Variants in ABL2 observed in about 807,000 individuals in gnomAD.
The protein encoded by ABL2 is ABL proto-oncogene 2, non-receptor tyrosine kinase, also known as tyrosine-protein kinase ABL2.
ABL2 carries 49 observed loss-of-function variants against 107.7 expected under a neutral mutation model. The observed-to-expected ratio is 0.45, with a 90% CI of 0.36 to 0.58. ABL2 has a LOEUF of 0.58. ABL2 is among the 20% of genes least tolerant of loss of function. ABL2 has a pLI of 0.00. For missense variants in ABL2, 1,245 were observed against 1,457.0 expected, an observed-to-expected ratio of 0.85 and a Z score of 2.37; for synonymous variants, 549 against 548.6, an observed-to-expected ratio of 1.00 and a Z score of -0.01.
chr1:179,131,549 T>C, intron 2 of ABL2, 68 bp from the exon 3 acceptor site: 6 of 1,495,886 alleles, frequency 4.0e-6, no homozygotes, highest in Non-Finnish European at 5.6e-6. Context: ...TTGAATTCAT[T>C]ATATACACAG....
At chr1:179,178,588 C>A (rs537840070) in intron 1 of ABL2, among the ~76,000 whole-genome samples, 22 of 151,868 alleles carry the variant, frequency 1.4e-4, no homozygotes, top group Admixed American at 1.1e-3. Flanking sequence ...AAGATCTGGA[C>A]TTTAAAAAGT....
chr1:179,172,659 C>T lies in ABL2; in HGVS notation c.158-39285G>A, dbSNP rs1312256491. ...ACAGAGTTAAAATAAAAGCAATTTC[C>T]CTCGAAAAGAGAATTTTAGGCATTA... On this transcript the variant is annotated intron_variant, in intron 1 of 11. Transcript: ENST00000502732. 2.0e-5 allele frequency among the ~76,000 whole-genome samples: 3 copies of T among 152,002 alleles called. No individual in the cohort carries two copies. In the East Asian group the frequency reaches 5.8e-4, roughly 29 times the overall value.
chr1:179,153,883 A>T (rs1273582577), intron 1 of ABL2, among the ~76,000 whole-genome samples: 1 of 152,002 alleles, frequency 6.6e-6, no homozygotes, highest in African/African-American at 2.4e-5. Context: ...GGCAACAAAA[A>T]TCCATTTTGT....
At chr1:179,136,749 A>AAT (rs1463497396) in intron 1 of ABL2, among the ~76,000 whole-genome samples, 8 of 146,390 alleles carry the variant, frequency 5.5e-5, no homozygotes, top group Non-Finnish European at 1.2e-4. Flanking sequence ...AATAAAAATA[A>AAT]AAATAAAAAT....
At chr1:179,121,492 G>T in intron 5 of ABL2, 103 bp downstream of exon 5, 1 of 1,433,398 alleles carries the variant, frequency 7.0e-7, no homozygotes, top group Non-Finnish European at 9.5e-7. Context: ...TGGCACTAGT[G>T]GGTGGAAAGT....
At position 179,104,927 on chromosome 1, in the gene ABL2, A is replaced by G. The variant is rs1653371926; in HGVS notation, c.*2791T>C. On this transcript the variant is annotated 3_prime_UTR_variant, in exon 12 of 12. Coordinates refer to ENST00000502732, the MANE Select transcript of ABL2 (RefSeq NM_007314.4). ...TTTGGATTCAAACCTTTTAATTTAC[A>G]TAAGGGTTTGTGTTTAAGCTGGTCC... 1 of 222,860 alleles carries G rather than the reference A, an allele frequency of 4.5e-6. No individual in the cohort carries two copies. The highest frequency in any genetic ancestry group is 9.0e-6 in the Non-Finnish European group (1 of 111,594). The allele number at this position is 222,860 out of a possible 1,614,324, so 13.8% of individuals were successfully genotyped here.
In ABL2 at chr1:179,164,609, G is replaced by A. The variant is rs774699604; in HGVS notation, c.158-31235C>T. On this transcript the variant is annotated intron_variant, in intron 1 of 11. Coordinates refer to ENST00000502732, the MANE Select transcript of ABL2 (RefSeq NM_007314.4). ...CCAAACTCAATGTTGCTAGCACCTG[G>A]TACTATGACCTCAAGTTCAGAGCTG... Among the ~76,000 whole-genome samples, 3 of 152,110 alleles carry A rather than the reference G, an allele frequency of 2.0e-5. No individual in the cohort carries two copies. The South Asian group carries it at 6.2e-4, about 32-fold the overall frequency.
At chr1:179,131,630 G>T in intron 2 of ABL2, 149 bp from the exon 3 acceptor site, 1 of 698,072 alleles carries the variant, frequency 1.4e-6, no homozygotes. Flanking sequence ...TTAGCAAATA[G>T]GCACTGTGTC....
At chr1:179,212,457 G>A (rs1255420745) in intron 1 of ABL2, among the ~76,000 whole-genome samples, 1 of 152,226 alleles carries the variant, frequency 6.6e-6, no homozygotes, top group Non-Finnish European at 1.5e-5. Flanking sequence ...GCTGGGCAGG[G>A]CATGGTGGCT....
intron 3 of ABL2, among the ~76,000 whole-genome samples, chr1:179,128,919 A>C (rs1034662771): frequency 6.6e-6 from 1 of 152,060 alleles, no homozygotes; most frequent in Non-Finnish European, 1.5e-5. Flanking sequence ...TCCTAGGCTC[A>C]CGCAATCCTC....
intron 1 of ABL2, among the ~76,000 whole-genome samples, chr1:179,210,574 G>A (rs1452342859): frequency 1.3e-5 from 2 of 149,654 alleles, no homozygotes; most frequent in Non-Finnish European, 3.0e-5. Flanking sequence ...AAAATATTTC[G>A]CCAGGCGTGG....
chr1:179,107,932 GTGTCTAC>G lies in ABL2; in HGVS notation c.3328_3334del (p.Val1110LeufsTer29). 6.2e-7 allele frequency: 1 copy of G among 1,614,246 alleles called. No individual in the cohort carries two copies. The highest frequency in any genetic ancestry group is 8.5e-7 in the Non-Finnish European group (1 of 1,180,044). The stretch of plus-strand genomic sequence containing the variant: ...GCAGTAGTCAAGCAGCTGGTGTCCA[GTGTCTAC>G]CAGCTGGCTGTTGGGCACAGGTTCC... On this transcript the variant is annotated frameshift_variant, in exon 12 of 12. Coordinates refer to ENST00000502732, the MANE Select transcript of ABL2 (RefSeq NM_007314.4). LOFTEE classifies it high-confidence loss of function.
chr1:179,156,387 T>C (rs375153683), intron 1 of ABL2, among the ~76,000 whole-genome samples: 2 of 152,222 alleles, frequency 1.3e-5, no homozygotes, highest in African/African-American at 4.8e-5. Flanking sequence ...AGAAAAACCA[T>C]ACTTGAAATT....
At chr1:179,157,807 C>T (rs578190688) in intron 1 of ABL2, among the ~76,000 whole-genome samples, 5 of 151,482 alleles carry the variant, frequency 3.3e-5, no homozygotes, top group South Asian at 2.1e-4. Context: ...TGGCCTCAAG[C>T]GATCCTCCTG....
intron 1 of ABL2, among the ~76,000 whole-genome samples, chr1:179,198,802 G>A (rs941840125): frequency 1.3e-5 from 2 of 149,080 alleles, no homozygotes; most frequent in Non-Finnish European, 3.0e-5. Context: ...TTCTAGGAAT[G>A]CTAATAGGGT....
intron 1 of ABL2, among the ~76,000 whole-genome samples, chr1:179,219,950 C>T (rs1387709313): frequency 2.0e-5 from 3 of 152,230 alleles, no homozygotes; most frequent in South Asian, 4.1e-4. Flanking sequence ...TTATTGAGCA[C>T]CACAGTGCCT....
chr1:179,165,445 A>G (rs1659324136), intron 1 of ABL2, among the ~76,000 whole-genome samples: 1 of 152,136 alleles, frequency 6.6e-6, no homozygotes, highest in Admixed American at 6.6e-5. Context: ...AAAAAAAACT[A>G]GTACAGCCCC....
At chr1:179,211,379 A>C (rs1662262951) in intron 1 of ABL2, among the ~76,000 whole-genome samples, 1 of 151,838 alleles carries the variant, frequency 6.6e-6, no homozygotes, top group African/African-American at 2.4e-5. Flanking sequence ...TAATTTAACC[A>C]GGTGGGGTGG....
Position 179,099,892 on chromosome 1 carries a change from T to G in ABL2, c.*7826A>C. ...AGGAGATGGAGGTTCTGAGTATACA[T>G]CAACAGCTAAGTCAGCCTGTTCACA... is the stretch of plus-strand genomic sequence containing the variant. On this transcript the variant is annotated 3_prime_UTR_variant, in exon 12 of 12. Coordinates refer to ENST00000502732, the MANE Select transcript of ABL2 (RefSeq NM_007314.4). 1 of 232,680 alleles carries G rather than the reference T, an allele frequency of 4.3e-6. No individual in the cohort carries two copies. The highest frequency in any genetic ancestry group is 6.1e-5 in the East Asian group (1 of 16,492). 14.4% of individuals were successfully genotyped at this position (232,680 alleles called of 1,614,324 possible).
Sources: allele counts gnomAD v4.1 joint callset (sites outside exome capture counted in the v4.1 genomes callset), GRCh38; gene constraint gnomAD v4.1.1; transcripts MANE v1.5; gene names NCBI Gene and HGNC (gene_info 2026-07-23, HGNC 2026-07-21).